XIRP2: variants seen among roughly 807,000 people sequenced by gnomAD.
The protein encoded by XIRP2 is xin actin-binding repeat-containing protein 2.
A neutral mutation model predicts 277.0 loss-of-function variants in XIRP2; 236 were observed. That is an observed-to-expected ratio of 0.85 (90% confidence interval 0.77 to 0.95). The LOEUF is 0.95. XIRP2 is among the 40% of genes least tolerant of loss of function. XIRP2 has a pLI of 0.00. For synonymous variants in XIRP2, 1,490 were observed against 1,416.5 expected (o/e 1.05, Z -1.17); for missense variants, 4,640 against 4,157.5 (o/e 1.12, Z -3.19).
At chr2:167,001,539 G>A (rs927625658) in intron 2 of XIRP2, among the ~76,000 whole-genome samples, 4 of 151,980 alleles carry the variant, frequency 2.6e-5, no homozygotes, top group Admixed American at 1.3e-4. Context: ...GAAAAAATAT[G>A]GTACTAGAAA....
chr2:167,006,566 G>A (rs910276520), intron 2 of XIRP2, among the ~76,000 whole-genome samples: 1 of 151,778 alleles, frequency 6.6e-6, no homozygotes, highest in East Asian at 1.9e-4. Context: ...CCATGGGGGT[G>A]TTCAGCTGCC....
At chr2:167,072,117 A>G (rs919586550) in intron 2 of XIRP2, among the ~76,000 whole-genome samples, 2 of 152,192 alleles carry the variant, frequency 1.3e-5, no homozygotes, top group Non-Finnish European at 2.9e-5. Context: ...AGCATATGCC[A>G]TATGAAGTTA....
Position 167,244,616 on chromosome 2 carries a change from A to G in XIRP2, c.3224A>G (p.Glu1075Gly). 1 of 1,612,964 alleles carries G rather than the reference A, an allele frequency of 6.2e-7. No homozygotes were observed. Among genetic ancestry groups the G allele is most frequent in the Non-Finnish European group, 8.5e-7 (1 of 1,179,532 alleles). ...ATTAAATATTTTAGTGATGTGGAAG[A>G]AACAGAAAGTAAAACTGAACAAACT... The part of the protein sequence containing the change: ...DSIKYFSDVE[E>G]TESKTEQTRD... Residue 1075 changes from glutamate (E) to glycine (G), a missense_variant, in exon 9 of 11, where the codon GAA (glutamate) becomes GGA (glycine). Physicochemically the swap from Glu to Gly is moderately conservative, Grantham distance 98. Coordinates refer to ENST00000409195, the MANE Select transcript of XIRP2 (RefSeq NM_152381.6).
chr2:166,971,643 A>G (rs1686580980), intron 2 of XIRP2, among the ~76,000 whole-genome samples: 1 of 152,082 alleles, frequency 6.6e-6, no homozygotes, highest in Non-Finnish European at 1.5e-5. Context: ...CAAGGTGGAT[A>G]TTTTACAGTG....
chr2:167,248,601 C>T lies in XIRP2; in HGVS notation c.7209C>T (p.Asn2403=), dbSNP rs1695362327. The T allele has an allele frequency of 6.2e-7, 1 of 1,613,694 alleles. No individual in the cohort carries two copies. Among genetic ancestry groups the T allele is most frequent in the African/African-American group, 1.3e-5 (1 of 74,870 alleles). Residue 2403 remains asparagine (N), a synonymous_variant, in exon 9 of 11, where the codon AAC becomes AAT. Coordinates refer to ENST00000409195, the MANE Select transcript of XIRP2 (RefSeq NM_152381.6). The part of the protein sequence containing the change: ...MQQYSQKEAS[N]SQNSQAKIIT... ...AATATTCCCAAAAAGAAGCCTCGAA[C>T]TCTCAGAATTCTCAGGCTAAAATCA...
Position 167,012,424 on chromosome 2 carries a change from G to A in XIRP2, c.408+108534G>A, listed in dbSNP as rs1687706193. ...GATTTCTGTCCTAAATTTTGTAAAG[G>A]AAACTGATGTAAGCAAATGATTATA... On this transcript the variant is annotated intron_variant, in intron 2 of 10. Coordinates refer to ENST00000409195, the MANE Select transcript of XIRP2 (RefSeq NM_152381.6). Among the ~76,000 whole-genome samples the A allele has an allele frequency of 2.6e-5, 4 of 151,628 alleles. No individual in the cohort carries two copies. The Admixed American group carries it at 2.6e-4, about 10-fold the overall frequency.
intron 2 of XIRP2, among the ~76,000 whole-genome samples, chr2:166,983,750 G>A (rs1686932210): frequency 6.6e-6 from 1 of 152,182 alleles, no homozygotes. Flanking sequence ...GGGGAGACAT[G>A]GGACTCATCT....
At position 167,250,249 on chromosome 2, in the gene XIRP2, G is replaced by A. The variant is rs996707635; in HGVS notation, c.8857G>A (p.Glu2953Lys). Residue 2953 changes from glutamate to lysine, a missense_variant, in exon 9 of 11, where the codon GAA becomes AAA. Physicochemically the swap from Glu to Lys is moderately conservative, Grantham distance 56. Coordinates refer to ENST00000409195, the MANE Select transcript of XIRP2 (RefSeq NM_152381.6). Reference sequence around the variant, plus strand: ...AGTGGAATTCTTGAGAAAACGTGAAGAACTGCAACAGATTTTGTCGAGAGT... The same window carrying A: ...AGTGGAATTCTTGAGAAAACGTGAAAAACTGCAACAGATTTTGTCGAGAGT... ...NIVEFLRKRE[E>K]LQQILSRVKQ... is the part of the protein sequence containing the mutation. 3.7e-6 allele frequency: 6 copies of A among 1,613,212 alleles called. No individual in the cohort carries two copies. The highest frequency in any genetic ancestry group is 4.2e-6 in the Non-Finnish European group (5 of 1,179,630).
chr2:167,068,026 C>A (rs1300869645), intron 2 of XIRP2, among the ~76,000 whole-genome samples: 1 of 152,148 alleles, frequency 6.6e-6, no homozygotes, highest in Non-Finnish European at 1.5e-5. Flanking sequence ...CCCCCTGAAA[C>A]TCCAATTTAA....
At chr2:167,091,902 A>G (rs183524764) in intron 2 of XIRP2, among the ~76,000 whole-genome samples, 3 of 152,186 alleles carry the variant, frequency 2.0e-5, no homozygotes, top group Admixed American at 1.3e-4. Context: ...AGTTTGTAGC[A>G]CTTCAGGGTC....
chr2:167,062,944 T>C (rs1369014936), intron 2 of XIRP2, among the ~76,000 whole-genome samples: 1 of 151,950 alleles, frequency 6.6e-6, no homozygotes, highest in East Asian at 1.9e-4. Flanking sequence ...TTCATTTTAT[T>C]AATTTCTGTT....
chr2:167,244,707 T>C lies in XIRP2; in HGVS notation c.3315T>C (p.Ser1105=), dbSNP rs765578961. 1.2e-5 allele frequency: 20 copies of C among 1,613,328 alleles called. No individual in the cohort carries two copies. Among genetic ancestry groups the C allele is most frequent in the Non-Finnish European group, 1.4e-5 (17 of 1,179,652 alleles). The stretch of plus-strand genomic sequence containing the variant: ...TTTTTGAGACCCAGCCAATGGAGTC[T>C]CTTTATGAAAAAGTTTCGTTAATGA... ...KWLFETQPME[S]LYEKVSLMTS... is the part of the protein sequence containing the mutation. Residue 1105 remains serine, a synonymous_variant, in exon 9 of 11, where the codon TCT becomes TCC. Transcript: ENST00000409195.
At chr2:167,044,497 A>G (rs1688740220) in intron 2 of XIRP2, among the ~76,000 whole-genome samples, 1 of 152,050 alleles carries the variant, frequency 6.6e-6, no homozygotes, top group Admixed American at 6.6e-5. Flanking sequence ...CTCATCACAG[A>G]TGATATGATT....
At chr2:166,935,101 G>T (rs992425047) in intron 2 of XIRP2, among the ~76,000 whole-genome samples, 7 of 151,986 alleles carry the variant, frequency 4.6e-5, no homozygotes, top group African/African-American at 1.7e-4. Context: ...TTTCAGAGGA[G>T]TTCTATTATA....
intron 3 of XIRP2, among the ~76,000 whole-genome samples, chr2:167,155,081 A>T (rs377611592): frequency 4.6e-5 from 7 of 151,332 alleles, no homozygotes; most frequent in South Asian, 4.2e-4. Context: ...CAATAACAGG[A>T]TCTGAAATTG....
intron 2 of XIRP2, among the ~76,000 whole-genome samples, chr2:167,134,460 C>A (rs561608622): frequency 6.6e-6 from 1 of 151,876 alleles, no homozygotes; most frequent in Non-Finnish European, 1.5e-5. Flanking sequence ...AAGAATGTTT[C>A]GAAGCTTTTA....
chr2:166,979,602 A>G (rs1305969900), intron 2 of XIRP2, among the ~76,000 whole-genome samples: 2 of 152,004 alleles, frequency 1.3e-5, no homozygotes, highest in African/African-American at 2.4e-5. Context: ...CATGAATAGT[A>G]TTAAAATTTG....
At chr2:167,019,170 T>G (rs1687916875) in intron 2 of XIRP2, among the ~76,000 whole-genome samples, 1 of 152,012 alleles carries the variant, frequency 6.6e-6, no homozygotes, top group Non-Finnish European at 1.5e-5. Context: ...TTCTACTTCC[T>G]GTGACTGTTA....
intron 2 of XIRP2, among the ~76,000 whole-genome samples, chr2:167,133,870 CTG>C (rs1691455980): frequency 6.6e-6 from 1 of 152,182 alleles, no homozygotes; most frequent in Admixed American, 6.5e-5. Context: ...ATGTCTGACA[CTG>C]TGTCTCAACA....
Sources: gnomAD v4.1 joint callset for allele counts (sites outside exome capture counted in the v4.1 genomes callset) on GRCh38, gnomAD v4.1.1 for gene constraint, MANE v1.5 for transcripts, NCBI Gene and HGNC (gene_info 2026-07-23, HGNC 2026-07-21) for gene names.